The following TDRD9 variants were observed in gnomAD, a reference collection of about 807,000 sequenced individuals.
The protein encoded by TDRD9 is tudor domain containing 9.
TDRD9 carries 124 observed loss-of-function variants against 172.6 expected under a neutral mutation model. The ratio of observed to expected loss-of-function variants is 0.72; its 90% CI spans 0.62 to 0.83. The LOEUF (loss-of-function observed/expected upper bound fraction) is 0.83, where lower values mean the gene tolerates loss of function less well. Among genes scored for constraint, TDRD9 ranks in the 40% least tolerant of loss-of-function variants. The pLI, the probability that TDRD9 is intolerant of heterozygous loss-of-function variation, is 0.00. For synonymous variants in TDRD9, 619 were observed against 617.1 expected, an observed-to-expected ratio of 1.00 and a Z score of -0.05; for missense variants, 1,479 against 1,714.1, an observed-to-expected ratio of 0.86 and a Z score of 2.42.
chr14:103,928,649 C>G lies in TDRD9; in HGVS notation c.140C>G (p.Ala47Gly). The G allele has an allele frequency of 8.0e-7, 1 of 1,253,796 alleles. No individual in the cohort carries two copies. Among genetic ancestry groups the G allele is most frequent in the East Asian group, 3.4e-5 (1 of 29,096 alleles). 77.7% of individuals were successfully genotyped at this position (1,253,796 alleles called of 1,614,324 possible). A position where few individuals can be genotyped will look rare whatever the true frequency, so the allele number is the denominator to read the frequency against. ...AREEVQRQDVAPGAGPAAQAP... is the reference protein window; with the variant it reads ...AREEVQRQDVGPGAGPAAQAP... ...GAGGAGGTGCAGCGCCAGGACGTGG[C>G]CCCCGGCGCTGGTCCCGCGGCCCAG... is the stretch of plus-strand genomic sequence containing the variant. Residue 47 changes from alanine to glycine, a missense_variant, in exon 1 of 36, where the codon GCC (alanine) becomes GGC (glycine). Physicochemically the swap from Ala to Gly is moderately conservative, Grantham distance 60 (BLOSUM62 0). Transcript: ENST00000409874.
At chr14:103,931,355 AT>A (rs981689270) in intron 1 of TDRD9, among the ~76,000 whole-genome samples, 2 of 152,096 alleles carry the variant, frequency 1.3e-5, no homozygotes, top group African/African-American at 4.8e-5. Context: ...TGATGTAAAC[AT>A]TTTAACTTCT....
rs1220185675 is a variant in TDRD9, at chr14:104,006,822, A to G, written c.1984A>G (p.Ile662Val). 2 of 1,613,362 alleles carry G rather than the reference A, an allele frequency of 1.2e-6. No homozygotes were observed. The highest frequency in any genetic ancestry group is 1.1e-5 in the South Asian group (1 of 90,908). ...CTCTGGCAGTAGCAAGAGTGACTGT[A>G]TTGCACTTGTTGAGGCATTTAAAGT... ...NFSGSSKSDC[I>V]ALVEAFKTWK... Residue 662 changes from isoleucine (I) to valine (V), a missense_variant, in exon 18 of 36, where the codon ATT becomes GTT. By Grantham distance (29) the Ile-to-Val change is conservative. This residue lies in a region of TDRD9 where 1,413 missense variants were observed against 1,649.1 expected (regional missense o/e 0.86). Transcript: ENST00000409874.
At chr14:104,024,977 G>GAAA (rs1036215373) in intron 25 of TDRD9, among the ~76,000 whole-genome samples, 1 of 151,830 alleles carries the variant, frequency 6.6e-6, no homozygotes. Context: ...CATGTTAGAG[G>GAAA]AAAAAAAAGT....
Position 104,005,300 on chromosome 14 carries a change from G to T in TDRD9, c.1608G>T (p.Leu536Phe). Reference sequence around the variant, plus strand: ...GTTGTCCATTAGGAAGCACGATCTTGAAAGTGAAATTACTTGACATGGGTG... The same window carrying T: ...GTTGTCCATTAGGAAGCACGATCTTTAAAGTGAAATTACTTGACATGGGTG... ...MLRCPLGSTILKVKLLDMGEP... is the reference protein window; with the variant it reads ...MLRCPLGSTIFKVKLLDMGEP... Residue 536 changes from leucine (L) to phenylalanine (F), a missense_variant, in exon 15 of 36, where the codon TTG (leucine) becomes TTT (phenylalanine). Coordinates refer to ENST00000409874, the MANE Select transcript of TDRD9 (RefSeq NM_153046.3). 6.2e-7 allele frequency: 1 copy of T among 1,613,964 alleles called. No homozygotes were observed. The highest frequency in any genetic ancestry group is 1.3e-5 in the African/African-American group (1 of 75,012).
At position 103,938,135 on chromosome 14, in the gene TDRD9, G is replaced by T. The variant is rs74477508; in HGVS notation, c.215+9411G>T. 1.2e-3 allele frequency among the ~76,000 whole-genome samples: 184 copies of T among 152,096 alleles called. 3 individuals are homozygous for T. In the East Asian group the frequency reaches 0.027, roughly 22 times the overall value. On this transcript the variant is annotated intron_variant, in intron 1 of 35. Coordinates refer to ENST00000409874, the MANE Select transcript of TDRD9 (RefSeq NM_153046.3). ...GTTACGATGAAATGAGAATGCACTC[G>T]TAGTGCTTAGTATGTGCCTGGTGTG...
At chr14:103,966,981 T>C in intron 5 of TDRD9, 150 bp downstream of exon 5, 2 of 740,826 alleles carry the variant, frequency 2.7e-6, no homozygotes, top group South Asian at 7.8e-5. Context: ...AAGGATGGAA[T>C]GTTTTTTGAT....
chr14:103,962,354 G>A (rs1333805615), intron 2 of TDRD9, among the ~76,000 whole-genome samples: 1 of 152,180 alleles, frequency 6.6e-6, no homozygotes, highest in East Asian at 1.9e-4. Flanking sequence ...CAATGAGTGC[G>A]TGTTTTACAG....
At chr14:103,972,752 A>T (rs1243902337) in intron 6 of TDRD9, among the ~76,000 whole-genome samples, 1 of 152,216 alleles carries the variant, frequency 6.6e-6, no homozygotes, top group South Asian at 2.1e-4. Flanking sequence ...TCTCTTTCCC[A>T]TGTCCCCAGG....
Position 103,962,986 on chromosome 14 carries a change from G to A in TDRD9, c.323-93G>A, listed in dbSNP as rs948316274. The A allele has an allele frequency of 1.1e-5, 7 of 663,104 alleles. No individual in the cohort carries two copies. In the African/African-American group the frequency reaches 1.3e-4, roughly 12 times the overall value. The allele number at this position is 663,104 out of a possible 1,614,324, so 41.1% of individuals were successfully genotyped here. ...TTTGAGTGTGTGTGTGTGTGTGTGT[G>A]TGTGTGTATGCTGTATCTATAGATT... is the stretch of plus-strand genomic sequence containing the variant. On this transcript the variant is annotated intron_variant, in intron 2 of 35. Transcript: ENST00000409874.
chr14:103,985,915 T>C (rs982766900), intron 7 of TDRD9, among the ~76,000 whole-genome samples: 7 of 152,220 alleles, frequency 4.6e-5, no homozygotes, highest in Non-Finnish European at 1.0e-4. Flanking sequence ...ACTTAATCGA[T>C]GTCTTCAAAG....
At chr14:103,956,094 AAAAAAAAAAAAAAAAAAAT>A (rs1478065298) in intron 2 of TDRD9, among the ~76,000 whole-genome samples, 7 of 46,908 alleles carry the variant, frequency 1.5e-4, no homozygotes, top group African/African-American at 6.0e-4. Flanking sequence ...AAAAAAAAAA[AAAAAAAAAAAAAAAAAAAT>A]ATATATATAT....
At chr14:103,936,789 A>G (rs1406481510) in intron 1 of TDRD9, among the ~76,000 whole-genome samples, 1 of 152,186 alleles carries the variant, frequency 6.6e-6, no homozygotes, top group East Asian at 1.9e-4. Flanking sequence ...GTAGATGCTT[A>G]GTTAATATTT....
chr14:104,034,877 A>G (rs2035401732), intron 31 of TDRD9, 83 bp from the exon 32 acceptor site: 1 of 1,025,822 alleles, frequency 9.7e-7, no homozygotes. Flanking sequence ...ATACCTGCAG[A>G]TGAGTAGGAG....
chr14:103,929,244 T>G (rs770628156), intron 1 of TDRD9, among the ~76,000 whole-genome samples: 24 of 151,570 alleles, frequency 1.6e-4, no homozygotes, highest in Non-Finnish European at 2.9e-4. Context: ...CCACTGTTCC[T>G]GCCTCCCTTT....
intron 5 of TDRD9, among the ~76,000 whole-genome samples, chr14:103,967,345 T>TAA (rs1413923897): frequency 1.0e-3 from 1 of 988 alleles, no homozygotes; most frequent in South Asian, 0.031. Flanking sequence ...CTACTAAAAA[T>TAA]ACAAAAAAAA....
At chr14:104,041,090 A>G (rs6576015) in intron 33 of TDRD9, among the ~76,000 whole-genome samples, 8,256 of 152,232 alleles carry the variant, frequency 0.054, 600 homozygotes, top group African/African-American at 0.17. Flanking sequence ...TGAGGTTAAC[A>G]TAACCACACT....
Position 104,005,488 on chromosome 14 carries a change from C to T in TDRD9, c.1713+83C>T, listed in dbSNP as rs987867388. 6.9e-6 allele frequency: 10 copies of T among 1,455,514 alleles called. No individual in the cohort carries two copies. The African/African-American group carries it at 1.1e-4, about 16-fold the overall frequency. The allele number at this position is 1,455,514 out of a possible 1,614,324, so 90.2% of individuals were successfully genotyped here. ...CTCCCTCAGTCTGTGCCTCACTTTCCCACTAACTCTGATCCTCCCGCCTCA... is the reference window on the plus strand; with the variant it reads ...CTCCCTCAGTCTGTGCCTCACTTTCTCACTAACTCTGATCCTCCCGCCTCA... On this transcript the variant is annotated intron_variant, in intron 15 of 35. Transcript: ENST00000409874.
At chr14:104,012,848 C>T (rs2034656456) in intron 20 of TDRD9, among the ~76,000 whole-genome samples, 1 of 152,202 alleles carries the variant, frequency 6.6e-6, no homozygotes, top group African/African-American at 2.4e-5. Flanking sequence ...ATCCTCCTGC[C>T]TCAGCCTCCT....
At chr14:104,034,926 AATGCCCG>A (rs921462399) in intron 31 of TDRD9, 27 bp from the exon 32 acceptor site, 1 of 1,513,408 alleles carries the variant, frequency 6.6e-7, no homozygotes, top group African/African-American at 1.4e-5. Flanking sequence ...AGCGTGAGTT[AATGCCCG>A]ATGTTGATTT....
Sources: gnomAD v4.1 joint callset for allele counts (sites outside exome capture counted in the v4.1 genomes callset) on GRCh38, gnomAD v4.1.1 for gene constraint, gnomAD v4.1.1 regional missense constraint, MANE v1.5 for transcripts, NCBI Gene and HGNC (gene_info 2026-07-23, HGNC 2026-07-21) for gene names.